DMXL1: variants seen among roughly 807,000 people sequenced by gnomAD.
The protein encoded by DMXL1 is dmX-like protein 1.
In DMXL1, 99 loss-of-function variants were observed where a neutral mutation model predicts 319.2. The ratio of observed to expected loss-of-function variants is 0.31; its 90% CI spans 0.26 to 0.37. The LOEUF (loss-of-function observed/expected upper bound fraction) is 0.37. Among genes scored for constraint, DMXL1 ranks in the 10% least tolerant of loss-of-function variants. DMXL1 has a pLI of 1.00. For missense variants in DMXL1, 3,745 were observed against 3,595.6 expected (o/e 1.04, Z -1.06); for synonymous variants, 1,385 against 1,235.2 (o/e 1.12, Z -2.54).
At chr5:119,195,036 C>A (rs533139023) in intron 30 of DMXL1, among the ~76,000 whole-genome samples, 3 of 151,460 alleles carry the variant, frequency 2.0e-5, no homozygotes, top group African/African-American at 7.3e-5. Flanking sequence ...AATGAGACAA[C>A]ATCTCATATG....
chr5:119,164,285 T>A (rs1378946769), intron 19 of DMXL1, among the ~76,000 whole-genome samples: 1 of 152,142 alleles, frequency 6.6e-6, no homozygotes, highest in Non-Finnish European at 1.5e-5. Flanking sequence ...TTTTTTCTTT[T>A]CCTTTCAAAA....
chr5:119,098,197 CT>C, intron 2 of DMXL1, 93 bp downstream of exon 2: 1 of 1,423,188 alleles, frequency 7.0e-7, no homozygotes, highest in South Asian at 1.3e-5. Flanking sequence ...GAATTAGAGA[CT>C]TGGCTTTGTT....
At chr5:119,232,230 A>G (rs1371786953) in intron 38 of DMXL1, among the ~76,000 whole-genome samples, 1 of 152,204 alleles carries the variant, frequency 6.6e-6, no homozygotes, top group African/African-American at 2.4e-5. Flanking sequence ...TGATTAAGCT[A>G]TGCAAGCGCA....
intron 28 of DMXL1, among the ~76,000 whole-genome samples, chr5:119,186,327 A>G (rs981093591): frequency 5.9e-5 from 9 of 152,096 alleles, no homozygotes; most frequent in East Asian, 1.9e-4. Context: ...CTGGAGTGCA[A>G]TGGTGTGATC....
intron 34 of DMXL1, among the ~76,000 whole-genome samples, chr5:119,208,333 C>A (rs904182774): frequency 6.6e-6 from 1 of 151,866 alleles, no homozygotes; most frequent in Non-Finnish European, 1.5e-5. Flanking sequence ...CCTGCCTCAG[C>A]CTCCCGAGTA....
intron 19 of DMXL1, among the ~76,000 whole-genome samples, chr5:119,162,406 T>G (rs1235881264): frequency 6.6e-6 from 1 of 152,222 alleles, no homozygotes; most frequent in Non-Finnish European, 1.5e-5. Flanking sequence ...TTCATATTTC[T>G]GCAGGCTGGG....
At chr5:119,230,634 G>A (rs1194897410) in intron 38 of DMXL1, among the ~76,000 whole-genome samples, 2 of 152,176 alleles carry the variant, frequency 1.3e-5, no homozygotes, top group Middle Eastern at 3.2e-3. Flanking sequence ...TGTAATCCCA[G>A]CACTTTGGGA....
chr5:119,079,176 T>C (rs6890132), intron 1 of DMXL1, among the ~76,000 whole-genome samples: 151,008 of 152,342 alleles, frequency 0.99, 74,844 homozygotes, highest in Middle Eastern at 1. Context: ...AAACCTCCCA[T>C]CCCAGTGCTC....
chr5:119,189,953 T>G (rs776324441), intron 29 of DMXL1, 67 bp downstream of exon 29: 98 of 1,476,488 alleles, frequency 6.6e-5, no homozygotes, highest in Non-Finnish European at 8.7e-5. Context: ...CAGAAATAAG[T>G]GTCATTTTTG....
At chr5:119,101,046 G>A (rs1181523217) in intron 2 of DMXL1, among the ~76,000 whole-genome samples, 1 of 152,004 alleles carries the variant, frequency 6.6e-6, no homozygotes, top group African/African-American at 2.4e-5. Context: ...CTCCCAAAGT[G>A]CTGGGATTAC....
In DMXL1 at chr5:119,171,974, G is replaced by T; in HGVS notation, c.6681+5G>T. 6.2e-7 allele frequency: 1 copy of T among 1,601,604 alleles called. No individual in the cohort carries two copies. Among genetic ancestry groups the T allele is most frequent in the Non-Finnish European group, 8.5e-7 (1 of 1,173,876 alleles). On this transcript the variant is annotated splice_donor_5th_base_variant and intron_variant, in intron 25 of 43. Coordinates refer to ENST00000539542, the MANE Select transcript of DMXL1 (RefSeq NM_001290321.3). ...CCTGATATCCAAAGCAATAAAGTAA[G>T]TATGCTTGGTTTCAAGCTTTTACTT...
rs1774242981 is a variant in DMXL1 at position 119,170,067 on chromosome 5, A to G, written c.5399-123A>G. 5.7e-6 allele frequency: 5 copies of G among 880,052 alleles called. No individual in the cohort carries two copies. In the African/African-American group the frequency reaches 6.8e-5, roughly 12 times the overall value. 54.5% of individuals were successfully genotyped at this position (880,052 alleles called of 1,614,324 possible). A position where few individuals can be genotyped will look rare whatever the true frequency, so the allele number is the denominator to read the frequency against. On this transcript the variant is annotated intron_variant, in intron 23 of 43. Transcript: ENST00000539542. ...TCAGTGCCATGGATCATTGTGGCCT[A>G]TTAGTAAAATTTTGTCAAAAGACTC...
chr5:119,098,169 A>T, intron 2 of DMXL1, 65 bp downstream of exon 2: 1 of 1,521,002 alleles, frequency 6.6e-7, no homozygotes, highest in South Asian at 1.2e-5. Context: ...ATAATCTCTG[A>T]AGTGTGTATT....
chr5:119,121,910 G>GA, intron 9 of DMXL1, among the ~76,000 whole-genome samples: 1 of 148,530 alleles, frequency 6.7e-6, no homozygotes, highest in South Asian at 2.1e-4. Flanking sequence ...CGGGCGGGGG[G>GA]CTGACCCCCC....
chr5:119,090,172 C>G (rs909784086), intron 1 of DMXL1, among the ~76,000 whole-genome samples: 1 of 149,390 alleles, frequency 6.7e-6, no homozygotes, highest in African/African-American at 2.5e-5. Context: ...AGGCGCCCAC[C>G]ACCCCACCCA....
chr5:119,166,922 T>C, intron 22 of DMXL1, 141 bp downstream of exon 22: 1 of 640,968 alleles, frequency 1.6e-6, no homozygotes, highest in East Asian at 3.1e-5. Flanking sequence ...TAATATTTAA[T>C]AAAGACATTT....
chr5:119,154,999 C>T (rs1053885761), intron 19 of DMXL1, among the ~76,000 whole-genome samples: 5 of 152,228 alleles, frequency 3.3e-5, no homozygotes, highest in African/African-American at 1.2e-4. Flanking sequence ...ATGGCAGCAC[C>T]TCTGTTTATA....
At chr5:119,194,227 G>A (rs956575730) in intron 30 of DMXL1, among the ~76,000 whole-genome samples, 5 of 152,014 alleles carry the variant, frequency 3.3e-5, no homozygotes, top group African/African-American at 1.2e-4. Flanking sequence ...ACATACCTTT[G>A]GTTGTCCATT....
In DMXL1 at chr5:119,237,347, A is replaced by G; in HGVS notation, c.8492A>G (p.Tyr2831Cys). 6.3e-7 allele frequency: 1 copy of G among 1,599,494 alleles called. No individual in the cohort carries two copies. Among genetic ancestry groups the G allele is most frequent in the Non-Finnish European group, 8.5e-7 (1 of 1,170,356 alleles). ...TTTGGAATAGTTGATGCTGATGGAT[A>G]TTTAAGTTTGTATCAAACAAACTGG... The part of the protein sequence containing the change: ...NKFGIVDADG[Y>C]LSLYQTNWKC... The change falls in exon 40 of 44, where the codon TAT becomes TGT. Residue 2831 changes from tyrosine to cysteine, a missense_variant. Coordinates refer to ENST00000539542, the MANE Select transcript of DMXL1 (RefSeq NM_001290321.3).
Sources: allele counts gnomAD v4.1 joint callset (sites outside exome capture counted in the v4.1 genomes callset), GRCh38; gene constraint gnomAD v4.1.1; transcripts MANE v1.5; gene names NCBI Gene and HGNC (gene_info 2026-07-23, HGNC 2026-07-21).